LRRFIP1: variants seen among roughly 807,000 people sequenced by gnomAD.
The protein encoded by LRRFIP1 is leucine-rich repeat flightless-interacting protein 1.
Under a neutral mutation model 104.4 loss-of-function variants are expected in LRRFIP1, and 62 were observed. The observed-to-expected ratio is 0.59, with a 90% CI of 0.48 to 0.73. The LOEUF is 0.73. Among genes scored for constraint, LRRFIP1 ranks in the 30% least tolerant of loss-of-function variants. The pLI is 0.00. For missense variants in LRRFIP1, 796 were observed against 824.5 expected, an observed-to-expected ratio of 0.97 and a Z score of 0.42; for synonymous variants, 300 against 299.0, an observed-to-expected ratio of 1.00 and a Z score of -0.03.
rs185891302 is a variant in LRRFIP1 at position 237,749,471 on chromosome 2, C to T, written c.795+147C>T. 134 of 974,358 alleles carry T rather than the reference C, an allele frequency of 1.4e-4. 1 individual carries two copies. The East Asian group carries it at 3.5e-3, about 25-fold the overall frequency. 60.4% of individuals were successfully genotyped at this position (974,358 alleles called of 1,614,324 possible). ...CACCTCCCCTAAAATACGGTGTTCT[C>T]CTAACATCAAGACCCAGCTCAGATA... On this transcript the variant is annotated intron_variant, in intron 13 of 23. Coordinates refer to ENST00000308482, the MANE Select transcript of LRRFIP1 (RefSeq NM_001137550.2).
intron 13 of LRRFIP1, among the ~76,000 whole-genome samples, chr2:237,750,857 A>G (rs1331028708): frequency 6.6e-6 from 1 of 152,190 alleles, no homozygotes; most frequent in African/African-American, 2.4e-5. Context: ...ATCTTACTGT[A>G]CATTGCACAG....
intron 1 of LRRFIP1, among the ~76,000 whole-genome samples, chr2:237,634,749 G>A (rs2082860863): frequency 6.6e-6 from 1 of 152,170 alleles, no homozygotes; most frequent in Non-Finnish European, 1.5e-5. Flanking sequence ...TTCTTCTAGA[G>A]TTAATGATTT....
At chr2:237,753,057 G>A (rs937820998) in intron 14 of LRRFIP1, among the ~76,000 whole-genome samples, 2 of 152,146 alleles carry the variant, frequency 1.3e-5, no homozygotes, top group African/African-American at 4.8e-5. Context: ...TTCCATACTG[G>A]TATCTCGTTT....
intron 2 of LRRFIP1, among the ~76,000 whole-genome samples, chr2:237,709,519 C>T (rs576116667): frequency 2.0e-5 from 3 of 152,282 alleles, no homozygotes; most frequent in Admixed American, 6.5e-5. Context: ...TTTAAAAAGG[C>T]GAGCCAGTGT....
At chr2:237,686,033 C>T (rs2092342218) in intron 1 of LRRFIP1, among the ~76,000 whole-genome samples, 2 of 152,192 alleles carry the variant, frequency 1.3e-5, no homozygotes, top group African/African-American at 2.4e-5. Flanking sequence ...TCTAACTACC[C>T]CTTCTCTGTC....
At chr2:237,712,173 T>G (rs1326823399) in intron 2 of LRRFIP1, among the ~76,000 whole-genome samples, 2 of 152,196 alleles carry the variant, frequency 1.3e-5, no homozygotes, top group Non-Finnish European at 2.9e-5. Flanking sequence ...AAAACAGGCC[T>G]TAGGGAGATA....
rs767179389 is a variant in LRRFIP1 at position 237,749,273 on chromosome 2, C to T, written c.744C>T (p.Ser248=). 1.1e-5 allele frequency: 18 copies of T among 1,613,558 alleles called. No individual in the cohort carries two copies. The highest frequency in any genetic ancestry group is 4.5e-5 in the East Asian group (2 of 44,894). ...SLGGTSSRRG[S]GDTSISIDTE... is the part of the protein sequence containing the mutation. Reference sequence around the variant, plus strand: ...GTGGGACTTCCTCTCGGAGAGGCAGCGGAGACACCTCCATCTCCATCGACA... The same window carrying T: ...GTGGGACTTCCTCTCGGAGAGGCAGTGGAGACACCTCCATCTCCATCGACA... The change falls in exon 13 of 24, where the codon AGC becomes AGT. Residue 248 remains serine, a synonymous_variant. Coordinates refer to ENST00000308482, the MANE Select transcript of LRRFIP1 (RefSeq NM_001137550.2).
Position 237,638,416 on chromosome 2 carries a change from G to A in LRRFIP1, c.96+10676G>A, listed in dbSNP as rs932941822. On this transcript the variant is annotated intron_variant, in intron 1 of 23. Coordinates refer to ENST00000308482, the MANE Select transcript of LRRFIP1 (RefSeq NM_001137550.2). ...TGGCTGTAAATACAGATGAAGCTTC[G>A]CTCACTCACCCGCCTGCCGCTCACC... Among the ~76,000 whole-genome samples, 15 of 152,308 alleles carry A rather than the reference G, an allele frequency of 9.8e-5. No homozygotes were observed. The South Asian group carries it at 2.5e-3, about 25-fold the overall frequency.
At chr2:237,656,132 A>T (rs2086782190) in intron 1 of LRRFIP1, among the ~76,000 whole-genome samples, 1 of 152,224 alleles carries the variant, frequency 6.6e-6, no homozygotes, top group African/African-American at 2.4e-5. Flanking sequence ...ATATAGATAC[A>T]TCTATCTATC....
At chr2:237,772,497 G>GAA (rs60861314) in intron 21 of LRRFIP1, 2,281 of 343,802 alleles carry the variant, frequency 6.6e-3, no homozygotes, top group East Asian at 0.018. Context: ...TTGATTGTAT[G>GAA]AAAAAAAAAA....
chr2:237,708,683 C>T, intron 2 of LRRFIP1, 53 bp downstream of exon 2: 2 of 1,545,034 alleles, frequency 1.3e-6, no homozygotes, highest in African/African-American at 1.4e-5. Flanking sequence ...GCGTGCTGGG[C>T]CCAGGGTGCA....
chr2:237,762,358 A>G (rs2059960041), intron 19 of LRRFIP1, among the ~76,000 whole-genome samples: 1 of 152,178 alleles, frequency 6.6e-6, no homozygotes, highest in Non-Finnish European at 1.5e-5. Flanking sequence ...TGTCCACACA[A>G]GATGGCACCA....
chr2:237,734,677 G>A (rs2095173446), intron 9 of LRRFIP1, among the ~76,000 whole-genome samples: 1 of 152,128 alleles, frequency 6.6e-6, no homozygotes, highest in Non-Finnish European at 1.5e-5. Context: ...GGGAAAATAG[G>A]GAAATTAAAG....
Position 237,753,361 on chromosome 2 carries a change from C to T in LRRFIP1, c.920C>T (p.Ala307Val). The T allele has an allele frequency of 6.2e-7, 1 of 1,604,760 alleles. No individual in the cohort carries two copies. Among genetic ancestry groups the T allele is most frequent in the Non-Finnish European group, 8.5e-7 (1 of 1,177,840 alleles). ...EKYKKAMVSNAQLDNEKTNFM... is the reference protein window; with the variant it reads ...EKYKKAMVSNVQLDNEKTNFM... ...TATAAGAAGGCTATGGTTTCCAATG[C>T]TCAGCTAGACAATGAAAAGACAAAC... The change falls in exon 15 of 24, where the codon GCT (alanine) becomes GTT (valine). Residue 307 changes from alanine (A) to valine (V), a missense_variant. Coordinates refer to ENST00000308482, the MANE Select transcript of LRRFIP1 (RefSeq NM_001137550.2).
intron 1 of LRRFIP1, among the ~76,000 whole-genome samples, chr2:237,655,378 G>A (rs2086647545): frequency 6.6e-6 from 1 of 151,758 alleles, no homozygotes; most frequent in Admixed American, 6.6e-5. Flanking sequence ...CCAAAGTGCT[G>A]GGATTACAGA....
At chr2:237,741,860 A>G (rs990288770) in intron 11 of LRRFIP1, among the ~76,000 whole-genome samples, 2 of 152,142 alleles carry the variant, frequency 1.3e-5, no homozygotes, top group African/African-American at 4.8e-5. Flanking sequence ...AAAGAAAGAA[A>G]AGAAAATATA....
chr2:237,749,537 A>C (rs1289246149), intron 13 of LRRFIP1, among the ~76,000 whole-genome samples: 1 of 152,080 alleles, frequency 6.6e-6, no homozygotes, highest in Non-Finnish European at 1.5e-5. Flanking sequence ...CTGACCCCCC[A>C]GCAGGGCGGA....
chr2:237,670,311 A>G (rs2090132723), intron 1 of LRRFIP1, among the ~76,000 whole-genome samples: 1 of 152,098 alleles, frequency 6.6e-6, no homozygotes, highest in African/African-American at 2.4e-5. Context: ...AGCCTGAGAT[A>G]ATGACATTGG....
At chr2:237,674,893 C>T (rs2090905679) in intron 1 of LRRFIP1, among the ~76,000 whole-genome samples, 1 of 152,276 alleles carries the variant, frequency 6.6e-6, no homozygotes, top group Non-Finnish European at 1.5e-5. Flanking sequence ...TGAACTGTTG[C>T]CTCTCCACTG....
Sources: allele counts gnomAD v4.1 joint callset (sites outside exome capture counted in the v4.1 genomes callset), GRCh38; gene constraint gnomAD v4.1.1; transcripts MANE v1.5; gene names NCBI Gene and HGNC (gene_info 2026-07-23, HGNC 2026-07-21).